The following ULK4 variants were observed in gnomAD, a reference collection of about 807,000 sequenced individuals.
ULK4 encodes the protein inactive serine/threonine-protein kinase ULK4.
ULK4 carries 133 observed loss-of-function variants against 160.6 expected under a neutral mutation model. That is an observed-to-expected ratio of 0.83 (90% CI 0.72 to 0.96). ULK4 has a LOEUF of 0.96. Among genes scored for constraint, ULK4 ranks in the 40% least tolerant of loss-of-function variants. ULK4 has a pLI of 0.00. For synonymous variants in ULK4, 534 were observed against 539.8 expected, an observed-to-expected ratio of 0.99 and a Z score of 0.15; for missense variants, 1,580 against 1,499.5, an observed-to-expected ratio of 1.05 and a Z score of -0.89.
chr3:41,292,943 CAAAAAAAT>C (rs1437384157), intron 35 of ULK4, among the ~76,000 whole-genome samples: 2 of 150,890 alleles, frequency 1.3e-5, no homozygotes, highest in East Asian at 2.0e-4. Context: ...GACACCGTCT[CAAAAAAAT>C]AAAAAAATAA....
chr3:41,909,641 G>A (rs1223654378), intron 11 of ULK4, among the ~76,000 whole-genome samples: 1 of 151,982 alleles, frequency 6.6e-6, no homozygotes, highest in African/African-American at 2.4e-5. Context: ...CTTGAACCAG[G>A]GAGGTGGAGG....
At chr3:41,918,309 A>G in intron 7 of ULK4, 148 bp downstream of exon 7, 1 of 494,324 alleles carries the variant, frequency 2.0e-6, no homozygotes, top group Non-Finnish European at 3.5e-6. Flanking sequence ...CAAAAGAAAT[A>G]CTAACATTTC....
At chr3:41,517,829 G>A (rs1165499732) in intron 32 of ULK4, among the ~76,000 whole-genome samples, 2 of 152,162 alleles carry the variant, frequency 1.3e-5, no homozygotes. Context: ...TTTGTCATGT[G>A]TACAGAGAGG....
chr3:41,665,405 A>G (rs2035321018), intron 29 of ULK4, among the ~76,000 whole-genome samples: 3 of 152,210 alleles, frequency 2.0e-5, no homozygotes. Context: ...CATTTAATAC[A>G]GAGTAAGAAA....
At chr3:41,795,460 G>A (rs2040275320) in intron 20 of ULK4, among the ~76,000 whole-genome samples, 1 of 152,028 alleles carries the variant, frequency 6.6e-6, no homozygotes, top group Non-Finnish European at 1.5e-5. Context: ...ATCTTTGCAA[G>A]AAAAATCTTA....
chr3:41,820,793 T>TA (rs2041123208), intron 18 of ULK4, among the ~76,000 whole-genome samples: 1 of 152,000 alleles, frequency 6.6e-6, no homozygotes, highest in Non-Finnish European at 1.5e-5. Flanking sequence ...GTTGAAATTT[T>TA]AAAAAAAGAA....
chr3:41,410,612 T>C (rs1367978542), intron 34 of ULK4, among the ~76,000 whole-genome samples: 1 of 147,826 alleles, frequency 6.8e-6, no homozygotes, highest in Non-Finnish European at 1.5e-5. Flanking sequence ...TATACAAAAA[T>C]ATTGAATTAT....
chr3:41,587,766 C>T (rs1363021924), intron 31 of ULK4, among the ~76,000 whole-genome samples: 1 of 152,062 alleles, frequency 6.6e-6, no homozygotes, highest in African/African-American at 2.4e-5. Flanking sequence ...GAAAACAGCA[C>T]GATGCTCTTG....
At chr3:41,575,546 C>T (rs2088160065) in intron 31 of ULK4, among the ~76,000 whole-genome samples, 1 of 152,194 alleles carries the variant, frequency 6.6e-6, no homozygotes, top group African/African-American at 2.4e-5. Context: ...CATTTGAAGG[C>T]TTCCTCCACC....
chr3:41,845,694 G>A (rs546432036), intron 17 of ULK4, among the ~76,000 whole-genome samples: 20 of 151,964 alleles, frequency 1.3e-4, no homozygotes, highest in Non-Finnish European at 1.2e-4. Context: ...GTATACACAG[G>A]ATCTCTCTAT....
chr3:41,720,447 A>G (rs1024261147), intron 22 of ULK4, among the ~76,000 whole-genome samples: 1 of 152,176 alleles, frequency 6.6e-6, no homozygotes, highest in Non-Finnish European at 1.5e-5. Flanking sequence ...ACCTAGAAAA[A>G]AATACCAGAA....
At chr3:41,518,312 T>G (rs1353409850) in intron 32 of ULK4, among the ~76,000 whole-genome samples, 8 of 152,184 alleles carry the variant, frequency 5.3e-5, no homozygotes, top group Non-Finnish European at 1.2e-4. Flanking sequence ...TACATTTTAT[T>G]TAAAATGTTA....
intron 1 of ULK4, among the ~76,000 whole-genome samples, chr3:41,961,083 A>T (rs990368541): frequency 1.3e-5 from 2 of 152,174 alleles, no homozygotes; most frequent in African/African-American, 4.8e-5. Flanking sequence ...GCTCCTAAGG[A>T]AGTCTCTCTT....
chr3:41,554,633 G>A (rs943571330), intron 32 of ULK4, among the ~76,000 whole-genome samples: 14 of 152,010 alleles, frequency 9.2e-5, no homozygotes, highest in African/African-American at 2.2e-4. Context: ...GAATAAGTTC[G>A]GTGGTTGATA....
At chr3:41,935,736 T>A (rs1699756569) in intron 4 of ULK4, 65 bp downstream of exon 4, 8 of 1,512,198 alleles carry the variant, frequency 5.3e-6, no homozygotes, top group Non-Finnish European at 7.1e-6. Flanking sequence ...AATAACAACA[T>A]CTTTGAGAAA....
chr3:41,415,759 G>A (rs554497593), intron 34 of ULK4, among the ~76,000 whole-genome samples: 20 of 151,976 alleles, frequency 1.3e-4, no homozygotes, highest in South Asian at 2.1e-4. Flanking sequence ...CAGATCACTC[G>A]TCACTCCTAG....
intron 35 of ULK4, among the ~76,000 whole-genome samples, chr3:41,378,432 C>T (rs1354747350): frequency 1.3e-5 from 2 of 151,320 alleles, no homozygotes; most frequent in East Asian, 3.9e-4. Context: ...TACATATACA[C>T]CATGGAATAC....
At position 41,445,565 on chromosome 3, in the gene ULK4, T is replaced by C. The variant is rs547671370; in HGVS notation, c.3492+9932A>G. Among the ~76,000 whole-genome samples, 6 of 151,982 alleles carry C rather than the reference T, an allele frequency of 3.9e-5. No homozygotes were observed. In the South Asian group the frequency reaches 8.3e-4, roughly 21 times the overall value. On this transcript the variant is annotated intron_variant, in intron 34 of 36. Coordinates refer to ENST00000301831, the MANE Select transcript of ULK4 (RefSeq NM_017886.4). ...AACAGAACAGAGCCCTCAGAAATAA[T>C]GCCGCATATCTACAACCATCTGATC...
chr3:41,815,184 G>A (rs2040928787), intron 19 of ULK4, among the ~76,000 whole-genome samples: 1 of 152,120 alleles, frequency 6.6e-6, no homozygotes, highest in East Asian at 1.9e-4. Flanking sequence ...TGGGATTACA[G>A]GCGTGAGCCA....
Sources: allele counts gnomAD v4.1 joint callset (sites outside exome capture counted in the v4.1 genomes callset), GRCh38; gene constraint gnomAD v4.1.1; transcripts MANE v1.5; gene names NCBI Gene and HGNC (gene_info 2026-07-23, HGNC 2026-07-21).